Variants in ARHGEF17 observed in about 807,000 individuals in gnomAD.
ARHGEF17 encodes the protein Rho guanine nucleotide exchange factor 17, also known as 164 kDa Rho-specific guanine-nucleotide exchange factor.
A neutral mutation model predicts 174.0 loss-of-function variants in ARHGEF17; 80 were observed. The ratio of observed to expected loss-of-function variants is 0.46; its 90% CI spans 0.38 to 0.55. The LOEUF is 0.55. Among genes scored for constraint, ARHGEF17 ranks in the 20% least tolerant of loss-of-function variants. The pLI, the probability that ARHGEF17 is intolerant of heterozygous loss-of-function variation, is 0.00. For missense variants in ARHGEF17, 2,886 were observed against 2,839.7 expected (o/e 1.02, Z -0.37); for synonymous variants, 1,311 against 1,189.1 (o/e 1.10, Z -2.11).
chr11:73,365,356 G>A lies in ARHGEF17; in HGVS notation c.5551-34G>A. 6.8e-6 allele frequency: 11 copies of A among 1,611,930 alleles called. No homozygotes were observed. Among genetic ancestry groups the A allele is most frequent in the Non-Finnish European group, 9.3e-6 (11 of 1,179,060 alleles). On this transcript the variant is annotated intron_variant, in intron 18 of 20. Coordinates refer to ENST00000263674, the MANE Select transcript of ARHGEF17 (RefSeq NM_014786.4). The surrounding 1 kb of genome is among the most constrained non-coding windows in gnomAD (Gnocchi z 4.9). ...AGGGTGGGCCAAGGGAGGCAGGCCT[G>A]CCAATGACCCATCTTCTCCCCCGCC...
chr11:73,358,322 T>G (rs1865679282), intron 9 of ARHGEF17, among the ~76,000 whole-genome samples: 1 of 152,214 alleles, frequency 6.6e-6, no homozygotes, highest in South Asian at 2.1e-4. Flanking sequence ...GCAAGGGGCC[T>G]GTGCCTCACA....
rs1865777403 is a variant in ARHGEF17 at position 73,363,215 on chromosome 11, C to A, written c.5006C>A (p.Thr1669Asn). Residue 1669 changes from threonine to asparagine, a missense_variant, in exon 15 of 21, where the codon ACC becomes AAC. By Grantham distance (65) the Thr-to-Asn change is moderately conservative (BLOSUM62 0). Coordinates refer to ENST00000263674, the MANE Select transcript of ARHGEF17 (RefSeq NM_014786.4). Reference protein sequence around the residue: ...TISSSFGNEETPSSKEATAET... With the variant: ...TISSSFGNEENPSSKEATAET... The stretch of plus-strand genomic sequence containing the variant: ...CCTTTGTCTCCCTCAGATGAGGAGA[C>A]CCCGAGTTCCAAGGAGGCCACGGCA... 1 of 1,566,584 alleles carries A rather than the reference C, an allele frequency of 6.4e-7. No homozygotes were observed. The highest frequency in any genetic ancestry group is 2.3e-5 in the East Asian group (1 of 44,212).
chr11:73,311,972 A>G (rs767324067), intron 1 of ARHGEF17, 142 bp downstream of exon 1: 7 of 934,010 alleles, frequency 7.5e-6, no homozygotes, highest in Non-Finnish European at 1.1e-5. Context: ...GTGCCTGTGC[A>G]GTTTTAAGAG....
intron 1 of ARHGEF17, among the ~76,000 whole-genome samples, chr11:73,320,952 G>A (rs1020923019): frequency 1.4e-4 from 22 of 152,280 alleles, no homozygotes; most frequent in Non-Finnish European, 2.6e-4. Context: ...ATGAGCCACC[G>A]CACCCAGCCT....
chr11:73,366,972 G>A (rs147006821), intron 20 of ARHGEF17, among the ~76,000 whole-genome samples: 267 of 152,256 alleles, frequency 1.8e-3, no homozygotes, highest in Middle Eastern at 0.014. Context: ...CCAGGGAGGC[G>A]GAGGTTGCAG....
chr11:73,350,043 G>A (rs1865527516), intron 2 of ARHGEF17, among the ~76,000 whole-genome samples: 2 of 152,206 alleles, frequency 1.3e-5, no homozygotes, highest in African/African-American at 4.8e-5. Context: ...TCTGTAGAGA[G>A]GGGATAATAA....
intron 13 of ARHGEF17, 66 bp from the exon 14 acceptor site, chr11:73,362,367 G>A: frequency 6.9e-7 from 1 of 1,459,752 alleles, no homozygotes; most frequent in Non-Finnish European, 9.0e-7. Flanking sequence ...GGGTCGGTGG[G>A]CGTGTCCACC....
intron 1 of ARHGEF17, among the ~76,000 whole-genome samples, chr11:73,342,680 G>C (rs900294045): frequency 6.6e-6 from 1 of 152,132 alleles, no homozygotes; most frequent in Non-Finnish European, 1.5e-5. Context: ...GGGAAGCTGC[G>C]TTCAGCGTGT....
intron 1 of ARHGEF17, among the ~76,000 whole-genome samples, chr11:73,320,628 CAAAAAA>C (rs1165583721): frequency 1.7e-5 from 1 of 57,706 alleles, no homozygotes. Context: ...GACTCCGTCT[CAAAAAA>C]AAAAAAAAAA....
rs138777290 is a variant in ARHGEF17 at position 73,320,140 on chromosome 11, G to T, written c.3192+8310G>T. Among the ~76,000 whole-genome samples the T allele has an allele frequency of 6.0e-3, 916 of 152,224 alleles. 8 individuals carry two copies. Among genetic ancestry groups the T allele is most frequent in the Middle Eastern group, 0.027 (8 of 294 alleles). On this transcript the variant is annotated intron_variant, in intron 1 of 20. Transcript: ENST00000263674. Reference sequence around the variant, plus strand: ...TGGTGGCATTGGTGCTGTCTGACCAGAGGAACTGTCAGGTCCCTTCATCCC... The same window carrying T: ...TGGTGGCATTGGTGCTGTCTGACCATAGGAACTGTCAGGTCCCTTCATCCC...
intron 3 of ARHGEF17, chr11:73,353,332 G>A: frequency 2.5e-6 from 1 of 392,802 alleles, no homozygotes; most frequent in Non-Finnish European, 4.7e-6. Context: ...TGGTGCGGAC[G>A]CTGACCCAGA....
At chr11:73,358,877 A>G (rs1037617891) in intron 9 of ARHGEF17, among the ~76,000 whole-genome samples, 2 of 151,846 alleles carry the variant, frequency 1.3e-5, no homozygotes, top group South Asian at 4.2e-4. Flanking sequence ...CTGGCAGGAA[A>G]CTCCACTGCC....
chr11:73,366,610 G>A (rs919537229), intron 20 of ARHGEF17, among the ~76,000 whole-genome samples: 3 of 151,932 alleles, frequency 2.0e-5, no homozygotes, highest in African/African-American at 7.3e-5. Flanking sequence ...CACACCTGTG[G>A]TTCCAGCTGC....
At chr11:73,312,060 T>G (rs1358150952) in intron 1 of ARHGEF17, among the ~76,000 whole-genome samples, 2 of 152,142 alleles carry the variant, frequency 1.3e-5, no homozygotes, top group Admixed American at 6.5e-5. Context: ...TGGCAAAGGG[T>G]CTTGTCTGCT....
chr11:73,366,604 C>T (rs1565212325), intron 20 of ARHGEF17, among the ~76,000 whole-genome samples: 2 of 152,006 alleles, frequency 1.3e-5, no homozygotes, highest in African/African-American at 4.8e-5. Flanking sequence ...GTGGCACACA[C>T]CTGTGGTTCC....
At position 73,311,633 on chromosome 11, in the gene ARHGEF17, C is replaced by G. The variant is rs1377984737; in HGVS notation, c.2995C>G (p.Gln999Glu). 1.2e-6 allele frequency: 2 copies of G among 1,613,304 alleles called. No individual in the cohort carries two copies. Among genetic ancestry groups the G allele is most frequent in the South Asian group, 1.1e-5 (1 of 91,082 alleles). The change falls in exon 1 of 21, where the codon CAG becomes GAG. Residue 999 changes from glutamine to glutamate, a missense_variant. Coordinates refer to ENST00000263674, the MANE Select transcript of ARHGEF17 (RefSeq NM_014786.4). Reference protein sequence around the residue: ...GFPTRAHPTLQAPSLEDVTKQ... With the variant: ...GFPTRAHPTLEAPSLEDVTKQ... ...CCCTACCCGAGCCCATCCCACGTTG[C>G]AGGCACCATCGCTCGAGGACGTCAC...
At chr11:73,347,235 CTGAACTTAGATCCG>C in intron 2 of ARHGEF17, 1 of 540,276 alleles carries the variant, frequency 1.9e-6, no homozygotes, top group Non-Finnish European at 3.4e-6. Context: ...AACCCTGACC[CTGAACTTAGATCCG>C]TGAACTCCCT....
intron 1 of ARHGEF17, among the ~76,000 whole-genome samples, chr11:73,323,991 C>G (rs2135791812): frequency 6.6e-6 from 1 of 152,332 alleles, no homozygotes; most frequent in African/African-American, 2.4e-5. Context: ...GGGTCTTGCT[C>G]CTCTTCCTGT....
chr11:73,320,235 C>A (rs911915054), intron 1 of ARHGEF17, among the ~76,000 whole-genome samples: 4 of 152,062 alleles, frequency 2.6e-5, no homozygotes, highest in African/African-American at 9.7e-5. Context: ...AATGCTGTCT[C>A]CCCGCACGCT....
Sources: gnomAD v4.1 joint callset for allele counts (sites outside exome capture counted in the v4.1 genomes callset) on GRCh38, gnomAD v4.1.1 for gene constraint, Gnocchi (gnomAD v3.1) non-coding constraint, MANE v1.5 for transcripts, NCBI Gene and HGNC (gene_info 2026-07-23, HGNC 2026-07-21) for gene names.